The following PRELID2 variants were observed in gnomAD, a reference collection of about 807,000 sequenced individuals.
The protein encoded by PRELID2 is PRELI domain containing 2.
Under a neutral mutation model 28.4 loss-of-function variants are expected in PRELID2, and 25 were observed. The ratio of observed to expected loss-of-function variants is 0.88; its 90% confidence interval spans 0.64 to 1.23. The LOEUF (loss-of-function observed/expected upper bound fraction) is 1.23. Among genes scored for constraint, PRELID2 ranks in the 50% most tolerant of loss-of-function variants. PRELID2 has a pLI of 0.00. For missense variants in PRELID2, 201 were observed against 214.4 expected, an observed-to-expected ratio of 0.94 and a Z score of 0.39; for synonymous variants, 76 against 71.6, an observed-to-expected ratio of 1.06 and a Z score of -0.31.
At chr5:145,610,309 G>T (rs1753594435) in intron 1 of PRELID2, among the ~76,000 whole-genome samples, 1 of 152,110 alleles carries the variant, frequency 6.6e-6, no homozygotes, top group Non-Finnish European at 1.5e-5. Flanking sequence ...TCCCAACATG[G>T]TTTCTTGGAT....
chr5:145,392,081 A>T, the PRELID2 span, among the ~76,000 whole-genome samples: 13 of 152,190 alleles, frequency 8.5e-5, no homozygotes, highest in African/African-American at 3.1e-4. Flanking sequence ...CCAGCTCCAA[A>T]GTTGCTTCCA....
chr5:145,323,176 G>T, the PRELID2 span, among the ~76,000 whole-genome samples: 1 of 149,744 alleles, frequency 6.7e-6, no homozygotes, highest in East Asian at 2.1e-4. Context: ...CACCAGCAGA[G>T]GGGAAAAAAA....
At chr5:145,407,861 A>T in the PRELID2 span, among the ~76,000 whole-genome samples, 1 of 152,070 alleles carries the variant, frequency 6.6e-6, no homozygotes, top group Non-Finnish European at 1.5e-5. Context: ...CAATCCACTA[A>T]ACAAAACTAC....
At chr5:145,790,891 GTA>G (rs3038407) in intron 5 of PRELID2, among the ~76,000 whole-genome samples, 241 of 141,386 alleles carry the variant, frequency 1.7e-3, no homozygotes, top group African/African-American at 5.1e-3. Flanking sequence ...TCACTTCTGG[GTA>G]TATATATATA....
chr5:145,805,456 G>C (rs1294783095), intron 4 of PRELID2, among the ~76,000 whole-genome samples: 1 of 152,132 alleles, frequency 6.6e-6, no homozygotes, highest in Non-Finnish European at 1.5e-5. Context: ...TCCAAATCTA[G>C]CTACTCAACA....
chr5:145,401,089 C>A, the PRELID2 span, among the ~76,000 whole-genome samples: 1 of 152,088 alleles, frequency 6.6e-6, no homozygotes, highest in Non-Finnish European at 1.5e-5. Flanking sequence ...CAGACAGAAG[C>A]CCTACTGCCG....
At chr5:145,458,055 C>T in the PRELID2 span, among the ~76,000 whole-genome samples, 5 of 152,282 alleles carry the variant, frequency 3.3e-5, no homozygotes, top group South Asian at 4.1e-4. Flanking sequence ...TAGCCACCAA[C>T]TTGTTTTGGG....
chr5:145,343,785 A>T, the PRELID2 span, among the ~76,000 whole-genome samples: 1 of 151,862 alleles, frequency 6.6e-6, no homozygotes, highest in Non-Finnish European at 1.5e-5. Context: ...AACCAAGAAA[A>T]AAAGAGTATA....
At chr5:145,446,287 C>T in the PRELID2 span, among the ~76,000 whole-genome samples, 9 of 151,972 alleles carry the variant, frequency 5.9e-5, no homozygotes, top group African/African-American at 2.2e-4. Flanking sequence ...AAAAAAAGTT[C>T]ATTAACAAAT....
chr5:145,594,901 G>A (rs867296730), intron 1 of PRELID2, among the ~76,000 whole-genome samples: 86 of 152,224 alleles, frequency 5.6e-4, no homozygotes, highest in African/African-American at 2.0e-3. Context: ...GCCGAGGTGG[G>A]CAGATCGCTT....
At chr5:145,339,646 T>C in the PRELID2 span, among the ~76,000 whole-genome samples, 1 of 152,158 alleles carries the variant, frequency 6.6e-6, no homozygotes, top group Non-Finnish European at 1.5e-5. Context: ...TGAGAAGCTA[T>C]ACATTCCCAT....
Position 145,756,420 on chromosome 5 carries a change from T to A in PRELID2, c.*4116A>T, listed in dbSNP as rs1757256763. Reference sequence around the variant, plus strand: ...TAAACAACTAATTTATAGCTCTATATCACAATAACACTGAATCAGAAACAC... The same window carrying A: ...TAAACAACTAATTTATAGCTCTATAACACAATAACACTGAATCAGAAACAC... On this transcript the variant is annotated 3_prime_UTR_variant, in exon 7 of 7. Transcript: ENST00000683046. Among the ~76,000 whole-genome samples the A allele has an allele frequency of 2.6e-5, 4 of 152,204 alleles. No individual in the cohort carries two copies. The highest frequency in any genetic ancestry group is 4.4e-5 in the Non-Finnish European group (3 of 68,036).
At chr5:145,726,698 A>C (rs1341321422) in intron 1 of PRELID2, among the ~76,000 whole-genome samples, 1 of 152,184 alleles carries the variant, frequency 6.6e-6, no homozygotes, top group Non-Finnish European at 1.5e-5. Flanking sequence ...TATGTAGGTT[A>C]AATATAAATT....
intron 1 of PRELID2, among the ~76,000 whole-genome samples, chr5:145,722,259 A>G (rs1484348995): frequency 6.6e-6 from 1 of 152,224 alleles, no homozygotes; most frequent in Non-Finnish European, 1.5e-5. Context: ...ACAATAAAAT[A>G]AGGAATATGA....
chr5:145,421,714 T>G, the PRELID2 span, among the ~76,000 whole-genome samples: 1 of 145,498 alleles, frequency 6.9e-6, no homozygotes, highest in Non-Finnish European at 1.5e-5. Context: ...TTTGAAGGGT[T>G]TTTTTGTCTC....
chr5:145,371,721 G>C, the PRELID2 span, among the ~76,000 whole-genome samples: 3 of 151,718 alleles, frequency 2.0e-5, no homozygotes, highest in African/African-American at 7.3e-5. Context: ...GTAGAATTCA[G>C]CTGTGAATCC....
At chr5:145,784,816 T>A (rs1751886378) in intron 5 of PRELID2, among the ~76,000 whole-genome samples, 1 of 150,626 alleles carries the variant, frequency 6.6e-6, no homozygotes, top group Non-Finnish European at 1.5e-5. Context: ...AACATACATA[T>A]ACATACATTT....
At chr5:145,711,274 C>T (rs1212776163) in intron 1 of PRELID2, among the ~76,000 whole-genome samples, 1 of 152,096 alleles carries the variant, frequency 6.6e-6, no homozygotes, top group Admixed American at 6.5e-5. Flanking sequence ...AGGACAGTGA[C>T]CTACAAAATC....
intron 1 of PRELID2, among the ~76,000 whole-genome samples, chr5:145,725,083 T>C (rs958944120): frequency 3.9e-5 from 6 of 151,960 alleles, no homozygotes; most frequent in Non-Finnish European, 7.4e-5. Flanking sequence ...TTGACAATAA[T>C]ATGAACAAAG....
Sources: gnomAD v4.1 joint callset for allele counts (sites outside exome capture counted in the v4.1 genomes callset) on GRCh38, gnomAD v4.1.1 for gene constraint, MANE v1.5 for transcripts, NCBI Gene and HGNC (gene_info 2026-07-23, HGNC 2026-07-21) for gene names.